The following CFAP58 variants were observed in gnomAD, a reference collection of about 807,000 sequenced individuals.
CFAP58 encodes the protein cilia- and flagella-associated protein 58.
In CFAP58, 88 loss-of-function variants were observed where a neutral mutation model predicts 119.5. That is an observed-to-expected ratio of 0.74 (90% CI 0.62 to 0.88). The LOEUF (loss-of-function observed/expected upper bound fraction) is 0.88. Ranked by LOEUF, CFAP58 falls within the 40% of genes least tolerant of loss-of-function variation. The pLI is 0.00. For synonymous variants in CFAP58, 365 were observed against 366.3 expected, an observed-to-expected ratio of 1.00 and a Z score of 0.04; for missense variants, 990 against 1,021.2, an observed-to-expected ratio of 0.97 and a Z score of 0.42.
intron 7 of CFAP58, among the ~76,000 whole-genome samples, chr10:104,373,482 T>C (rs1317521115): frequency 6.6e-6 from 1 of 151,490 alleles, no homozygotes; most frequent in Middle Eastern, 3.2e-3. Flanking sequence ...AAAAAAAAAA[T>C]TGCCAGGTGT....
intron 15 of CFAP58, among the ~76,000 whole-genome samples, chr10:104,443,226 G>C (rs1169476828): frequency 6.6e-6 from 1 of 152,174 alleles, no homozygotes; most frequent in Non-Finnish European, 1.5e-5. Flanking sequence ...TGTGTATTCT[G>C]TGAAGTAGCT....
At chr10:104,392,003 T>C (rs2012055151) in intron 9 of CFAP58, among the ~76,000 whole-genome samples, 1 of 152,158 alleles carries the variant, frequency 6.6e-6, no homozygotes, top group Admixed American at 6.5e-5. Flanking sequence ...ACAAAATAAC[T>C]GTGTTAAGCT....
chr10:104,402,533 A>T (rs1012140799), intron 13 of CFAP58, among the ~76,000 whole-genome samples: 1 of 152,332 alleles, frequency 6.6e-6, no homozygotes, highest in East Asian at 1.9e-4. Context: ...GCCCATGTCA[A>T]TGCAAGTGCT....
chr10:104,398,099 A>G lies in CFAP58; in HGVS notation c.1675-1261A>G, dbSNP rs573247593. ...TAACACATACCCTTCCATGTTGGCA[A>G]TATCTGTCAACTGCCAGTGACCTGA... On this transcript the variant is annotated intron_variant, in intron 11 of 17. Coordinates refer to ENST00000369704, the MANE Select transcript of CFAP58 (RefSeq NM_001008723.2). 2.0e-5 allele frequency among the ~76,000 whole-genome samples: 3 copies of G among 152,354 alleles called. No homozygotes were observed. The South Asian group carries it at 6.2e-4, about 32-fold the overall frequency.
intron 5 of CFAP58, among the ~76,000 whole-genome samples, chr10:104,367,546 TAAG>T (rs953171492): frequency 1.2e-4 from 14 of 116,376 alleles, no homozygotes; most frequent in African/African-American, 7.1e-4. Flanking sequence ...GCATGAAACA[TAAG>T]AGAGGCTTTT....
intron 15 of CFAP58, among the ~76,000 whole-genome samples, chr10:104,433,649 T>C (rs1472165889): frequency 6.6e-6 from 1 of 152,162 alleles, no homozygotes; most frequent in Non-Finnish European, 1.5e-5. Flanking sequence ...CATGATGTCA[T>C]GATCCAGCTA....
At chr10:104,363,489 G>A (rs1308188763) in intron 3 of CFAP58, among the ~76,000 whole-genome samples, 1 of 152,180 alleles carries the variant, frequency 6.6e-6, no homozygotes, top group Non-Finnish European at 1.5e-5. Flanking sequence ...TGTGATGCCT[G>A]TAGTGTGGGC....
At chr10:104,368,254 A>G (rs1302870860) in intron 5 of CFAP58, among the ~76,000 whole-genome samples, 169 bp from the exon 6 acceptor site, 1 of 152,228 alleles carries the variant, frequency 6.6e-6, no homozygotes, top group Non-Finnish European at 1.5e-5. Context: ...AACATTCATC[A>G]TATTTGAGTG....
intron 10 of CFAP58, 27 bp from the exon 11 acceptor site, chr10:104,393,302 C>G (rs753364521): frequency 2.5e-6 from 4 of 1,598,518 alleles, no homozygotes; most frequent in Admixed American, 1.7e-5. Flanking sequence ...AATTCACTTT[C>G]AAACATTTCT....
At chr10:104,413,572 G>GAATCC (rs2012494568) in intron 15 of CFAP58, among the ~76,000 whole-genome samples, 2 of 152,126 alleles carry the variant, frequency 1.3e-5, no homozygotes, top group African/African-American at 4.8e-5. Flanking sequence ...TCTCCTTGCT[G>GAATCC]TTGTTGCTTC....
At chr10:104,449,183 A>G (rs1199876248) in intron 16 of CFAP58, among the ~76,000 whole-genome samples, 1 of 148,810 alleles carries the variant, frequency 6.7e-6, no homozygotes, top group Admixed American at 6.6e-5. Context: ...TTTTTCCAGC[A>G]TGAAAATTAC....
chr10:104,393,819 C>A (rs1018562362), intron 11 of CFAP58, among the ~76,000 whole-genome samples: 2 of 152,228 alleles, frequency 1.3e-5, no homozygotes, highest in African/African-American at 4.8e-5. Context: ...TTGCTACAAT[C>A]CCTCTGCATT....
intron 16 of CFAP58, among the ~76,000 whole-genome samples, chr10:104,448,157 G>A (rs2133099067): frequency 6.6e-6 from 1 of 152,322 alleles, no homozygotes; most frequent in South Asian, 2.1e-4. Flanking sequence ...GAGGAGCAAA[G>A]GAAATATTTT....
the CFAP58 span, among the ~76,000 whole-genome samples, chr10:104,348,816 G>T: frequency 3.3e-5 from 5 of 152,306 alleles, no homozygotes; most frequent in Admixed American, 3.3e-4. Flanking sequence ...AGATGTCATG[G>T]TTCACTGGGC....
chr10:104,397,085 G>A (rs1429682099), intron 11 of CFAP58, among the ~76,000 whole-genome samples: 4 of 152,162 alleles, frequency 2.6e-5, no homozygotes, highest in African/African-American at 9.7e-5. Context: ...GTTTCATTTT[G>A]TTCTGCTGAT....
Position 104,362,102 on chromosome 10 carries a change from A to G in CFAP58, c.371A>G (p.Lys124Arg), listed in dbSNP as rs1280702869. The G allele has an allele frequency of 1.9e-6, 3 of 1,614,124 alleles. No homozygotes were observed. The highest frequency in any genetic ancestry group is 1.7e-5 in the Admixed American group (1 of 59,998). ...QKAKETILAL[K>R]EEIVNLTKLV... ...GCCAAGGAGACGATTCTTGCTCTGA[A>G]AGAGGAAATAGTGAACCTGACCAAA... The change falls in exon 3 of 18, where the codon AAA (lysine) becomes AGA (arginine). Residue 124 changes from lysine (K) to arginine (R), a missense_variant. Lys to Arg is a conservative substitution (Grantham distance 26). Transcript: ENST00000369704.
intron 15 of CFAP58, among the ~76,000 whole-genome samples, chr10:104,419,765 A>C (rs1373614313): frequency 6.6e-6 from 1 of 152,182 alleles, no homozygotes; most frequent in African/African-American, 2.4e-5. Flanking sequence ...TGGGGAGATT[A>C]TATTAACATA....
intron 15 of CFAP58, among the ~76,000 whole-genome samples, chr10:104,427,409 A>G (rs1375935218): frequency 1.3e-5 from 2 of 152,218 alleles, no homozygotes; most frequent in South Asian, 2.1e-4. Flanking sequence ...GAATAATGAC[A>G]ATTTATAAAT....
At chr10:104,443,847 C>T (rs7915473) in intron 15 of CFAP58, among the ~76,000 whole-genome samples, 48,495 of 152,070 alleles carry the variant, frequency 0.32, 9,131 homozygotes, top group African/African-American at 0.53. Context: ...AACAGCATTA[C>T]TGGAAGCTAA....
Sources: allele counts gnomAD v4.1 joint callset (sites outside exome capture counted in the v4.1 genomes callset), GRCh38; gene constraint gnomAD v4.1.1; transcripts MANE v1.5; gene names NCBI Gene and HGNC (gene_info 2026-07-23, HGNC 2026-07-21).